Variants in ZFP62 observed in about 807,000 individuals in gnomAD.
ZFP62 encodes the protein zinc finger protein 62 homolog.
In ZFP62, 44 loss-of-function variants were observed where a neutral mutation model predicts 56.4. The observed-to-expected ratio is 0.78, with a 90% confidence interval of 0.61 to 1.00. The LOEUF (loss-of-function observed/expected upper bound fraction) is 1.00, where lower values mean the gene tolerates loss of function less well. ZFP62 is among the 50% of genes least tolerant of loss of function. ZFP62 has a pLI of 0.00. For missense variants in ZFP62, 1,030 were observed against 1,085.7 expected, an observed-to-expected ratio of 0.95 and a Z score of 0.72; for synonymous variants, 421 against 388.9, an observed-to-expected ratio of 1.08 and a Z score of -0.97.
intron 1 of ZFP62, among the ~76,000 whole-genome samples, chr5:180,858,607 CA>C (rs202148671): frequency 6.7e-6 from 1 of 149,730 alleles, no homozygotes; most frequent in East Asian, 2.0e-4. Flanking sequence ...GACTCTGTCT[CA>C]AAAAAAAAGA....
the ZFP62 span, among the ~76,000 whole-genome samples, chr5:180,838,728 A>G: frequency 2.0e-5 from 3 of 152,230 alleles, no homozygotes; most frequent in African/African-American, 7.2e-5. Context: ...TTTTAAAAAG[A>G]GCATTTGTTA....
chr5:180,844,254 T>C (rs1350949362), downstream of ZFP62, among the ~76,000 whole-genome samples: 1 of 152,234 alleles, frequency 6.6e-6, no homozygotes, highest in Non-Finnish European at 1.5e-5. Context: ...CTTAAAATAA[T>C]CTTGTAAACA....
At chr5:180,835,372 A>G in the ZFP62 span, 1 of 152,218 alleles carries the variant, frequency 6.6e-6, no homozygotes, top group Non-Finnish European at 1.5e-5. Context: ...TGGGGCTCTC[A>G]AGCCTTTAGC....
intron 1 of ZFP62, among the ~76,000 whole-genome samples, chr5:180,856,482 G>A (rs1011270820): frequency 6.6e-6 from 1 of 152,116 alleles, no homozygotes; most frequent in Non-Finnish European, 1.5e-5. Context: ...GCATTCTAGG[G>A]TATCAGTTAT....
Position 180,849,336 on chromosome 5 carries a change from T to G in ZFP62, c.2159A>C (p.Lys720Thr), listed in dbSNP as rs1356651693. Residue 720 changes from lysine (K) to threonine (T), a missense_variant, in exon 2 of 2, where the codon AAA becomes ACA. Coordinates refer to ENST00000502412, the MANE Select transcript of ZFP62 (RefSeq NM_001172638.2). Reference sequence around the variant, plus strand: ...GGGTTTCTCCCCAAGATGGACTCTTTTATGGCTTATAAGAGTTCTGCTTGA... The same window carrying G: ...GGGTTTCTCCCCAAGATGGACTCTTGTATGGCTTATAAGAGTTCTGCTTGA... ...FFSSRTLISH[K>T]RVHLGEKPFK... The G allele has an allele frequency of 1.3e-6, 2 of 1,552,012 alleles. No homozygotes were observed. The highest frequency in any genetic ancestry group is 1.7e-6 in the Non-Finnish European group (2 of 1,147,072).
At chr5:180,840,178 C>G in the ZFP62 span, among the ~76,000 whole-genome samples, 9 of 152,304 alleles carry the variant, frequency 5.9e-5, no homozygotes, top group East Asian at 1.5e-3. Context: ...GTCCACTGTC[C>G]CATGTGCCTG....
chr5:180,830,679 C>T, the ZFP62 span: 75 of 152,310 alleles, frequency 4.9e-4, no homozygotes, highest in African/African-American at 1.8e-3. Context: ...CTCATTTACT[C>T]GGGTGGCTGG....
chr5:180,833,659 T>G, the ZFP62 span, among the ~76,000 whole-genome samples: 1 of 149,528 alleles, frequency 6.7e-6, no homozygotes. Flanking sequence ...TCTCCACCAC[T>G]CTATGACACG....
chr5:180,841,368 G>A, the ZFP62 span, among the ~76,000 whole-genome samples: 1 of 151,900 alleles, frequency 6.6e-6, no homozygotes, highest in African/African-American at 2.4e-5. Flanking sequence ...AACTTGAGGC[G>A]AGGATTTTTT....
the ZFP62 span, chr5:180,832,675 A>G: frequency 2.6e-5 from 4 of 152,196 alleles, no homozygotes; most frequent in African/African-American, 9.7e-5. Context: ...CCCCTTAGGT[A>G]CCAGTCAGGA....
At position 180,848,952 on chromosome 5, in the gene ZFP62, G is replaced by A; in HGVS notation, c.2543C>T (p.Ala848Val). The A allele has an allele frequency of 6.4e-7, 1 of 1,551,758 alleles. No individual in the cohort carries two copies. Among genetic ancestry groups the A allele is most frequent in the Non-Finnish European group, 8.7e-7 (1 of 1,146,984 alleles). Residue 848 changes from alanine to valine, a missense_variant, in exon 2 of 2, where the codon GCT becomes GTT. Physicochemically the swap from Ala to Val is moderately conservative, Grantham distance 64. Transcript: ENST00000502412. ...KPYRCNECGK[A>V]FNIRSNLTKH... ...GGTGAGATTTGATCTGATATTAAAA[G>A]CCTTACCACACTCATTACATCGGTA...
At chr5:180,833,639 GAAAT>G in the ZFP62 span, among the ~76,000 whole-genome samples, 3 of 151,556 alleles carry the variant, frequency 2.0e-5, no homozygotes, top group Non-Finnish European at 2.9e-5. Flanking sequence ...CCAGAACTGA[GAAAT>G]AAATTTCTCC....
At chr5:180,839,793 T>C in the ZFP62 span, among the ~76,000 whole-genome samples, 1 of 152,202 alleles carries the variant, frequency 6.6e-6, no homozygotes, top group Non-Finnish European at 1.5e-5. Flanking sequence ...AATGGTTGTG[T>C]CCTGACAGGA....
At chr5:180,829,388 C>T in the ZFP62 span, among the ~76,000 whole-genome samples, 1 of 152,238 alleles carries the variant, frequency 6.6e-6, no homozygotes, top group Non-Finnish European at 1.5e-5. Flanking sequence ...CCTGTTCGTA[C>T]ACTCCCTCCC....
the ZFP62 span, chr5:180,834,308 C>G: frequency 1.3e-5 from 2 of 152,258 alleles, no homozygotes; most frequent in Admixed American, 6.5e-5. Flanking sequence ...GTTCTGTTGC[C>G]TAGGCTGGAG....
rs1167386436 is a variant in ZFP62, at chr5:180,850,975, A to G, written c.520T>C (p.Cys174Arg). 3.9e-6 allele frequency: 6 copies of G among 1,552,948 alleles called. No individual in the cohort carries two copies. Among genetic ancestry groups the G allele is most frequent in the Non-Finnish European group, 4.4e-6 (5 of 1,147,836 alleles). Residue 174 changes from cysteine (C) to arginine (R), a missense_variant, in exon 2 of 2, where the codon TGT (cysteine) becomes CGT (arginine). Physicochemically the swap from Cys to Arg is radical, Grantham distance 180 (BLOSUM62 -3). Coordinates refer to ENST00000502412, the MANE Select transcript of ZFP62 (RefSeq NM_001172638.2). The stretch of plus-strand genomic sequence containing the variant: ...GAGCTGCTCCGGAAAGTCCCTCCAC[A>G]GTCATCACATTCATAGCGCTTTTCC... ...TGEKRYECDD[C>R]GGTFRSSSSL... is the part of the protein sequence containing the mutation.
At chr5:180,837,858 C>T in the ZFP62 span, among the ~76,000 whole-genome samples, 17 of 152,178 alleles carry the variant, frequency 1.1e-4, no homozygotes, top group South Asian at 1.2e-3. Context: ...GGGATGTTCA[C>T]GAGAAGGGAC....
At chr5:180,844,840 G>T (rs1388145762), downstream of ZFP62, among the ~76,000 whole-genome samples, 1 of 152,080 alleles carries the variant, frequency 6.6e-6, no homozygotes, top group Non-Finnish European at 1.5e-5. Flanking sequence ...TGACTTCCAG[G>T]TAAGAGTTGT....
chr5:180,849,621 G>T lies in ZFP62; in HGVS notation c.1874C>A (p.Ser625Tyr), dbSNP rs780130023. ...KPYKCDVCEKSFNYTSLLSQH... is the reference protein window; with the variant it reads ...KPYKCDVCEKYFNYTSLLSQH... ...AGAAAGGAGCGATGTGTAATTAAAA[G>T]ATTTCTCACACACATCACATTTGTA... The change falls in exon 2 of 2, where the codon TCT (serine) becomes TAT (tyrosine). Residue 625 changes from serine to tyrosine, a missense_variant. Ser to Tyr is a moderately radical substitution (Grantham distance 144). Coordinates refer to ENST00000502412, the MANE Select transcript of ZFP62 (RefSeq NM_001172638.2). 2.1e-5 allele frequency: 32 copies of T among 1,551,760 alleles called. No homozygotes were observed. The highest frequency in any genetic ancestry group is 1.2e-4 in the East Asian group (5 of 40,926).
Sources: allele counts gnomAD v4.1 joint callset (sites outside exome capture counted in the v4.1 genomes callset), GRCh38; gene constraint gnomAD v4.1.1; transcripts MANE v1.5; gene names NCBI Gene and HGNC (gene_info 2026-07-23, HGNC 2026-07-21).